The following MYO9B variants were observed in gnomAD, a reference collection of about 807,000 sequenced individuals.
The protein encoded by MYO9B is unconventional myosin-IXb.
In MYO9B, 71 loss-of-function variants were observed where a neutral mutation model predicts 229.5. That is an observed-to-expected ratio of 0.31 (90% CI 0.26 to 0.38). MYO9B has a LOEUF of 0.38. Ranked by LOEUF, MYO9B falls within the 10% of genes least tolerant of loss-of-function variation. The pLI, the probability that MYO9B is intolerant of heterozygous loss-of-function variation, is 1.00. For missense variants in MYO9B, 2,255 were observed against 2,920.5 expected, an observed-to-expected ratio of 0.77 and a Z score of 5.25; for synonymous variants, 1,185 against 1,235.8, an observed-to-expected ratio of 0.96 and a Z score of 0.86.
intron 20 of MYO9B, 89 bp downstream of exon 20, chr19:17,191,308 C>G (rs1020860284): frequency 1.9e-6 from 2 of 1,070,386 alleles, no homozygotes; most frequent in African/African-American, 3.6e-5. Flanking sequence ...GGGCCACTCT[C>G]TGAAACATAC....
chr19:17,194,641 G>A lies in MYO9B; in HGVS notation c.3214G>A (p.Gly1072Ser), dbSNP rs370162063. 103 of 1,612,606 alleles carry A rather than the reference G, an allele frequency of 6.4e-5. No homozygotes were observed. The highest frequency in any genetic ancestry group is 8.2e-5 in the Non-Finnish European group (97 of 1,179,780). The change falls in exon 22 of 40, where the codon GGC becomes AGC. Residue 1072 changes from glycine to serine, a missense_variant. Physicochemically the swap from Gly to Ser is moderately conservative, Grantham distance 56 (BLOSUM62 0). Transcript: ENST00000682292. ...LEAARAGAEEGGQGQAAGGQQ... is the reference protein window; with the variant it reads ...LEAARAGAEESGQGQAAGGQQ... Reference sequence around the variant, plus strand: ...AGCCGCAAGAGCAGGTGCTGAGGAGGGCGGACAGGGTCAGGCGGCTGGAGG... The same window carrying A: ...AGCCGCAAGAGCAGGTGCTGAGGAGAGCGGACAGGGTCAGGCGGCTGGAGG...
chr19:17,205,993 G>A lies in MYO9B; in HGVS notation c.5098G>A (p.Val1700Met), dbSNP rs75251420. ...EPGVEPGHFG[V>M]CVDSLTSDKA... ...AGGCGTTGAGCCTGGCCACTTCGGC[G>A]TGTGCGTAGACAGCCTGACCAGCGA... The change falls in exon 32 of 40, where the codon GTG (valine) becomes ATG (methionine). Residue 1700 changes from valine (V) to methionine (M), a missense_variant. By Grantham distance (21) the Val-to-Met change is conservative. Transcript: ENST00000682292. 2.0e-3 allele frequency: 3,121 copies of A among 1,589,882 alleles called. 4 individuals carry two copies. Among genetic ancestry groups the A allele is most frequent in the Non-Finnish European group, 2.4e-3 (2,776 of 1,166,864 alleles).
intron 15 of MYO9B, 65 bp downstream of exon 15, chr19:17,181,105 C>G (rs540004334): frequency 1.0e-5 from 12 of 1,168,902 alleles, no homozygotes; most frequent in South Asian, 5.5e-5. Flanking sequence ...CCTGCGACCC[C>G]GGCGGGGCCT....
chr19:17,151,550 G>A (rs888162593), intron 3 of MYO9B, among the ~76,000 whole-genome samples: 12 of 152,196 alleles, frequency 7.9e-5, no homozygotes, highest in Admixed American at 2.6e-4. Context: ...TACTTCATCA[G>A]AGAAGAGCTA....
At chr19:17,174,599 T>C (rs2072762829) in intron 13 of MYO9B, among the ~76,000 whole-genome samples, 1 of 151,934 alleles carries the variant, frequency 6.6e-6, no homozygotes, top group Non-Finnish European at 1.5e-5. Flanking sequence ...ATCATGCCAG[T>C]GCACTTCAGC....
In MYO9B at chr19:17,096,698, T is replaced by G. The variant is rs1568658475; in HGVS notation, c.-58-4962T>G. ...TTGTTGTTGTTGTTGTTGTTGTTGT[T>G]GTTGTTGGTTTTTTTTTTTTTTTTG... On this transcript the variant is annotated intron_variant, in intron 1 of 39. Coordinates refer to ENST00000682292, the MANE Select transcript of MYO9B (RefSeq NM_004145.4). Among the ~76,000 whole-genome samples the G allele has an allele frequency of 5.3e-4, 28 of 52,844 alleles. No homozygotes were observed. The Admixed American group carries it at 5.8e-3, about 11-fold the overall frequency. 34.7% of individuals were successfully genotyped at this position (52,844 alleles called of 152,430 possible).
chr19:17,188,842 A>G (rs4808587), intron 19 of MYO9B, among the ~76,000 whole-genome samples: 80,579 of 151,566 alleles, frequency 0.53, 23,195 homozygotes, highest in East Asian at 0.73. Flanking sequence ...GTGAGACCCC[A>G]TCTCTGCAAA....
At chr19:17,203,287 A>C in intron 30 of MYO9B, 29 bp downstream of exon 30, 1 of 1,493,854 alleles carries the variant, frequency 6.7e-7, no homozygotes, top group African/African-American at 1.4e-5. Flanking sequence ...AGGCCCCAAA[A>C]CCCTCCATGT....
intron 23 of MYO9B, 109 bp from the exon 24 acceptor site, chr19:17,198,075 A>T: frequency 6.8e-7 from 1 of 1,460,330 alleles, no homozygotes; most frequent in Non-Finnish European, 9.1e-7. Flanking sequence ...AAAAAAAAAA[A>T]GCAGGAAGTG....
At chr19:17,142,838 A>G (rs1329468332) in intron 2 of MYO9B, among the ~76,000 whole-genome samples, 2 of 152,194 alleles carry the variant, frequency 1.3e-5, no homozygotes, top group Non-Finnish European at 2.9e-5. Context: ...TTAAAAAAAC[A>G]AGCATCAGAC....
intron 13 of MYO9B, among the ~76,000 whole-genome samples, chr19:17,174,206 AT>A (rs1471153844): frequency 1.3e-5 from 2 of 151,068 alleles, no homozygotes; most frequent in Non-Finnish European, 3.0e-5. Flanking sequence ...ATTGTTTTGT[AT>A]TTTTTAGTAG....
intron 18 of MYO9B, among the ~76,000 whole-genome samples, chr19:17,187,268 C>G (rs912401551): frequency 6.6e-6 from 1 of 152,248 alleles, no homozygotes; most frequent in African/African-American, 2.4e-5. Flanking sequence ...AGCATCTCCT[C>G]TCTCCTGGGA....
chr19:17,125,783 G>A (rs1237363650), intron 2 of MYO9B, among the ~76,000 whole-genome samples: 1 of 152,146 alleles, frequency 6.6e-6, no homozygotes, highest in African/African-American at 2.4e-5. Context: ...AGAGCCTGCC[G>A]GGGTGCCCCA....
Position 17,172,670 on chromosome 19 carries a change from G to A in MYO9B, c.1936-89G>A, listed in dbSNP as rs1442969056. The A allele has an allele frequency of 1.7e-5, 26 of 1,528,820 alleles. No homozygotes were observed. In the Admixed American group the frequency reaches 1.9e-4, roughly 11 times the overall value. The allele number at this position is 1,528,820 out of a possible 1,614,324, so 94.7% of individuals were successfully genotyped here. A position where few individuals can be genotyped will look rare whatever the true frequency, so the allele number is the denominator to read the frequency against. On this transcript the variant is annotated intron_variant, in intron 12 of 39. Coordinates refer to ENST00000682292, the MANE Select transcript of MYO9B (RefSeq NM_004145.4). The surrounding 1 kb of genome is among the most constrained non-coding windows in gnomAD (Gnocchi z 8.2). ...CACTTAGGATGGGCCCCACCCCACC[G>A]TCAGCCCTTCCTGCGCCAGCCCGGG...
At position 17,169,802 on chromosome 19, in the gene MYO9B, CTTTTTT is replaced by C. The variant is rs762583073; in HGVS notation, c.1793+1762_1793+1767del. Among the ~76,000 whole-genome samples the C allele has an allele frequency of 3.5e-4, 37 of 106,588 alleles. 3 individuals are homozygous for C. The highest frequency in any genetic ancestry group is 1.1e-3 in the African/African-American group (26 of 24,160). The allele number at this position is 106,588 out of a possible 152,430, so 69.9% of individuals were successfully genotyped here. A position where few individuals can be genotyped will look rare whatever the true frequency, so the allele number is the denominator to read the frequency against. ...TCATTCATCTCAATCCTGTCTCCTC[CTTTTTT>C]TTTTTTTTTTTTTTTTTTTTTTTGA... On this transcript the variant is annotated intron_variant, in intron 11 of 39. Transcript: ENST00000682292.
chr19:17,115,793 C>T (rs1457144918), intron 2 of MYO9B, among the ~76,000 whole-genome samples: 2 of 151,796 alleles, frequency 1.3e-5, no homozygotes, highest in Non-Finnish European at 2.9e-5. Flanking sequence ...TTATCTTCTG[C>T]TCAGCTCCCC....
chr19:17,173,366 G>T (rs7507290), intron 13 of MYO9B, among the ~76,000 whole-genome samples: 1 of 141,128 alleles, frequency 7.1e-6, no homozygotes, highest in African/African-American at 2.7e-5. Context: ...GTGTAATGAC[G>T]CAATCTCGGC....
At chr19:17,104,368 C>T (rs1394570127) in intron 2 of MYO9B, among the ~76,000 whole-genome samples, 1 of 152,208 alleles carries the variant, frequency 6.6e-6, no homozygotes, top group Non-Finnish European at 1.5e-5. Context: ...TTGCCCTGAT[C>T]AGCCAAACCC....
intron 35 of MYO9B, among the ~76,000 whole-genome samples, chr19:17,209,026 G>A (rs2073195462): frequency 1.3e-5 from 2 of 152,154 alleles, no homozygotes; most frequent in Admixed American, 1.3e-4. Context: ...GAGTCCCTCT[G>A]GTTCTGACCA....
Sources: allele counts gnomAD v4.1 joint callset (sites outside exome capture counted in the v4.1 genomes callset), GRCh38; gene constraint gnomAD v4.1.1; non-coding constraint Gnocchi (gnomAD v3.1); transcripts MANE v1.5; gene names NCBI Gene and HGNC (gene_info 2026-07-23, HGNC 2026-07-21).